The following USH2A variants were observed in gnomAD, a reference collection of about 807,000 sequenced individuals.
USH2A encodes the protein usherin.
Under a neutral mutation model 538.9 loss-of-function variants are expected in USH2A, and 443 were observed. The ratio of observed to expected loss-of-function variants is 0.82; its 90% CI spans 0.76 to 0.89. The LOEUF (loss-of-function observed/expected upper bound fraction) is 0.89. Ranked by LOEUF, USH2A falls within the 40% of genes least tolerant of loss-of-function variation. USH2A has a pLI of 0.00. For synonymous variants in USH2A, 2,413 were observed against 2,273.5 expected (o/e 1.06, Z -1.75); for missense variants, 6,633 against 6,324.8 (o/e 1.05, Z -1.65).
chr1:216,066,604 C>T (rs1420995458), intron 30 of USH2A, among the ~76,000 whole-genome samples: 3 of 152,218 alleles, frequency 2.0e-5, no homozygotes, highest in Non-Finnish European at 2.9e-5. Context: ...AAGCACTGTG[C>T]TATGTGCTTT....
At chr1:215,954,754 G>A (rs1013152192) in intron 37 of USH2A, among the ~76,000 whole-genome samples, 2 of 151,882 alleles carry the variant, frequency 1.3e-5, no homozygotes, top group Non-Finnish European at 2.9e-5. Flanking sequence ...AAAATTTTTT[G>A]TAATTATTGC....
intron 61 of USH2A, among the ~76,000 whole-genome samples, chr1:215,717,341 T>C (rs1270797651): frequency 6.6e-6 from 1 of 152,186 alleles, no homozygotes; most frequent in African/African-American, 2.4e-5. Context: ...TTTAAGGTGA[T>C]GTCACATTCA....
chr1:215,817,256 G>T, intron 47 of USH2A, 61 bp from the exon 48 acceptor site: 1 of 1,526,724 alleles, frequency 6.5e-7, no homozygotes, highest in Non-Finnish European at 9.0e-7. Context: ...GATGCTATCA[G>T]TCTTAAGTAA....
At chr1:216,279,155 T>G (rs1166500586) in intron 11 of USH2A, among the ~76,000 whole-genome samples, 2 of 152,234 alleles carry the variant, frequency 1.3e-5, no homozygotes, top group South Asian at 2.1e-4. Flanking sequence ...TATTGAGCAT[T>G]ACAATCTGCT....
chr1:216,129,922 A>G (rs1340907607), intron 21 of USH2A, among the ~76,000 whole-genome samples: 1 of 152,158 alleles, frequency 6.6e-6, no homozygotes, highest in East Asian at 1.9e-4. Flanking sequence ...CAGCCAATGC[A>G]GTTTTGACAA....
chr1:215,949,706 A>G (rs1478065182), intron 37 of USH2A, among the ~76,000 whole-genome samples: 2 of 152,106 alleles, frequency 1.3e-5, no homozygotes, highest in South Asian at 2.1e-4. Flanking sequence ...AATATTTTTT[A>G]TAAAAATAAA....
intron 38 of USH2A, among the ~76,000 whole-genome samples, chr1:215,911,853 C>T (rs1205222792): frequency 1.3e-5 from 2 of 152,052 alleles, no homozygotes; most frequent in Non-Finnish European, 2.9e-5. Context: ...CCTTTCTCCA[C>T]ATCCTTGACA....
At position 216,196,630 on chromosome 1, in the gene USH2A, C is replaced by G. The variant is rs1177198729; in HGVS notation, c.4174G>C (p.Gly1392Arg). 1 of 1,613,448 alleles carries G rather than the reference C, an allele frequency of 6.2e-7. No homozygotes were observed. Among genetic ancestry groups the G allele is most frequent in the Non-Finnish European group, 8.5e-7 (1 of 1,179,710 alleles). ...WEKPADNVTR[G>R]KVVGYDINML... Reference sequence around the variant, plus strand: ...TTGATGTCATACCCCACAACTTTTCCTCTTGTAACATTATCTGCTGGCTTC... The same window carrying G: ...TTGATGTCATACCCCACAACTTTTCGTCTTGTAACATTATCTGCTGGCTTC... The change falls in exon 19 of 72, where the codon GGA (glycine) becomes CGA (arginine). Residue 1392 changes from glycine (G) to arginine (R), a missense_variant. By Grantham distance (125) the Gly-to-Arg change is moderately radical (BLOSUM62 -2). Transcript: ENST00000307340.
chr1:216,341,045 A>G (rs894613026), intron 4 of USH2A, among the ~76,000 whole-genome samples: 4 of 152,146 alleles, frequency 2.6e-5, no homozygotes, highest in Non-Finnish European at 4.4e-5. Flanking sequence ...GGAAGAGAGG[A>G]AGTCAAATTG....
intron 49 of USH2A, among the ~76,000 whole-genome samples, chr1:215,812,047 C>T (rs1217069508): frequency 5.3e-5 from 7 of 132,242 alleles, no homozygotes; most frequent in Non-Finnish European, 9.3e-5. Flanking sequence ...TGCAGTGGCA[C>T]CATCTCGGCT....
chr1:215,845,190 G>C (rs746048774), intron 45 of USH2A, among the ~76,000 whole-genome samples: 1 of 152,074 alleles, frequency 6.6e-6, no homozygotes, highest in African/African-American at 2.4e-5. Context: ...AAAAGGTGCC[G>C]ACCTTTGGCA....
chr1:216,015,212 C>T (rs1173982676), intron 32 of USH2A, among the ~76,000 whole-genome samples: 1 of 152,176 alleles, frequency 6.6e-6, no homozygotes. Context: ...AGAACCTCTG[C>T]TAGGTTATGG....
At chr1:216,386,519 AC>A (rs1366092225) in intron 3 of USH2A, among the ~76,000 whole-genome samples, 1 of 120,150 alleles carries the variant, frequency 8.3e-6, no homozygotes, top group East Asian at 2.5e-4. Context: ...AAACAAACAA[AC>A]AAAAAACAAA....
At chr1:215,820,104 T>C (rs902582990) in intron 47 of USH2A, among the ~76,000 whole-genome samples, 2 of 151,674 alleles carry the variant, frequency 1.3e-5, no homozygotes, top group African/African-American at 2.4e-5. Context: ...ATAAACAGAT[T>C]GCAAATATTT....
At chr1:215,627,485 TTTCCTTCCTTCCTTCCTTCTTTCC>T in intron 71 of USH2A, among the ~76,000 whole-genome samples, 1 of 94,586 alleles carries the variant, frequency 1.1e-5, no homozygotes, top group South Asian at 4.3e-4. Flanking sequence ...TCCTTCCTTC[TTTCCTTCCTTCCTTCCTTCTTTCC>T]TTCCTTCCTT....
intron 3 of USH2A, among the ~76,000 whole-genome samples, chr1:216,402,929 A>G (rs2039332799): frequency 6.6e-6 from 1 of 152,192 alleles, no homozygotes; most frequent in Non-Finnish European, 1.5e-5. Context: ...ATTACACATT[A>G]AATTACAACA....
At chr1:216,013,570 A>T (rs1189461153) in intron 32 of USH2A, among the ~76,000 whole-genome samples, 1 of 152,184 alleles carries the variant, frequency 6.6e-6, no homozygotes, top group Non-Finnish European at 1.5e-5. Flanking sequence ...GAAAGAAGTG[A>T]AAATGGCCTG....
intron 21 of USH2A, among the ~76,000 whole-genome samples, chr1:216,108,287 T>C (rs2102583329): frequency 6.6e-6 from 1 of 152,110 alleles, no homozygotes; most frequent in East Asian, 1.9e-4. Flanking sequence ...TATTGTATTA[T>C]CTTCTAGCCT....
rs1661942668 is a variant in USH2A, at chr1:215,790,194, T to C, written c.10047A>G (p.Lys3349=). The C allele has an allele frequency of 2.5e-6, 4 of 1,614,132 alleles. No individual in the cohort carries two copies. The highest frequency in any genetic ancestry group is 3.4e-6 in the Non-Finnish European group (4 of 1,180,002). Residue 3349 remains lysine (K), a synonymous_variant, in exon 51 of 72, where the codon AAA becomes AAG. Coordinates refer to ENST00000307340, the MANE Select transcript of USH2A (RefSeq NM_206933.4). The stretch of plus-strand genomic sequence containing the variant: ...ATTTTACTGGCACCGGGTCATTCTT[T>C]TTAATATGTGCTTTAGACTCTCCAC... ...ASSGESKAHI[K]KNDPVPVKCC...
Sources: gnomAD v4.1 joint callset for allele counts (sites outside exome capture counted in the v4.1 genomes callset) on GRCh38, gnomAD v4.1.1 for gene constraint, MANE v1.5 for transcripts, NCBI Gene and HGNC (gene_info 2026-07-23, HGNC 2026-07-21) for gene names.